Variants in TM4SF19 observed in about 807,000 individuals in gnomAD.
TM4SF19 encodes the protein transmembrane 4 L6 family member 19.
Under a neutral mutation model 21.8 loss-of-function variants are expected in TM4SF19, and 17 were observed. That is an observed-to-expected ratio of 0.78 (90% CI 0.53 to 1.17). TM4SF19 has a LOEUF of 1.17. Ranked by LOEUF, TM4SF19 falls within the 50% of genes most tolerant of loss-of-function variation. The pLI is 0.00. For synonymous variants in TM4SF19, 107 were observed against 106.7 expected, an observed-to-expected ratio of 1.00 and a Z score of -0.02; for missense variants, 216 against 252.1, an observed-to-expected ratio of 0.86 and a Z score of 0.97.
chr3:196,328,731 C>T (rs1307000267), intron 1 of TM4SF19, among the ~76,000 whole-genome samples: 1 of 152,058 alleles, frequency 6.6e-6, no homozygotes, highest in Non-Finnish European at 1.5e-5. Context: ...TAGAAATTGA[C>T]AAACTGAATC....
rs1013914195 is a variant in TM4SF19, at chr3:196,323,575, A to G, written c.*242T>C. On this transcript the variant is annotated 3_prime_UTR_variant, in exon 5 of 5. Coordinates refer to ENST00000273695, the MANE Select transcript of TM4SF19 (RefSeq NM_138461.4). ...GGCTGGAGGATATTTTATGGACTAT[A>G]AATTCCTAAACAATTATAATAACTT... The G allele has an allele frequency of 1.3e-6, 1 of 787,800 alleles. No homozygotes were observed. 48.8% of individuals were successfully genotyped at this position (787,800 alleles called of 1,614,324 possible).
In TM4SF19 at chr3:196,324,401, C is replaced by CA. The variant is rs1320815655; in HGVS notation, c.318dup (p.Gly107TrpfsTer22). 6.2e-7 allele frequency: 1 copy of CA among 1,614,110 alleles called. No individual in the cohort carries two copies. Among genetic ancestry groups the CA allele is most frequent in the Non-Finnish European group, 8.5e-7 (1 of 1,180,024 alleles). The stretch of plus-strand genomic sequence containing the variant: ...GAAGTGACAAAGCAAATCAGGGCTC[C>CA]AAGTAAAGCCAGGCCACCTGACAAC... On this transcript the variant is annotated frameshift_variant, in exon 4 of 5. Transcript: ENST00000273695. LOFTEE classifies it high-confidence loss of function.
chr3:196,337,048 ATTCTT>A (rs1400597623), intron 1 of TM4SF19, among the ~76,000 whole-genome samples: 4 of 128,680 alleles, frequency 3.1e-5, no homozygotes, highest in African/African-American at 1.1e-4. Flanking sequence ...GCAAAAAGCA[ATTCTT>A]TTTTTTTTTT....
intron 4 of TM4SF19, 80 bp from the exon 5 acceptor site, chr3:196,324,077 G>T (rs911171810): frequency 6.5e-7 from 1 of 1,547,014 alleles, no homozygotes; most frequent in African/African-American, 1.4e-5. Context: ...GAAAACTGGG[G>T]TCTCCCCTGA....
chr3:196,335,175 A>G (rs1473456558), intron 1 of TM4SF19, among the ~76,000 whole-genome samples: 93 of 6,318 alleles, frequency 0.015, no homozygotes, highest in East Asian at 0.029. Flanking sequence ...GAGAGGGGAG[A>G]GGTGCCCTGG....
Position 196,327,003 on chromosome 3 carries a change from CAAG to C in TM4SF19, c.228_230del (p.Leu77del). ...TGAAGCAGCCGTATCTCCAGCCCAT[CAAG>C]GAGATGAGGATAGCTGCAGTGAGTA... On this transcript the variant is annotated inframe_deletion, in exon 3 of 5. Coordinates refer to ENST00000273695, the MANE Select transcript of TM4SF19 (RefSeq NM_138461.4). 2 of 1,611,614 alleles carry C rather than the reference CAAG, an allele frequency of 1.2e-6. No homozygotes were observed. Among genetic ancestry groups the C allele is most frequent in the Non-Finnish European group, 1.7e-6 (2 of 1,177,900 alleles).
intron 1 of TM4SF19, among the ~76,000 whole-genome samples, chr3:196,330,428 A>C (rs544454688): frequency 3.3e-5 from 5 of 152,226 alleles, no homozygotes; most frequent in Non-Finnish European, 7.3e-5. Context: ...TACCACAATA[A>C]AAAATCAATT....
rs1577404927 is a variant in TM4SF19, at chr3:196,325,818, C to T, written c.279+1137G>A. On this transcript the variant is annotated intron_variant, in intron 3 of 4. Coordinates refer to ENST00000273695, the MANE Select transcript of TM4SF19 (RefSeq NM_138461.4). This position sits in a 1 kb window ranked among gnomAD's most constrained non-coding sequence, Gnocchi z 4.3. ...CTTCCCCGCCATCCTGAATCAGAAA[C>T]TCTGGGGAGGGAGCCCAGCAATCCG... is the stretch of plus-strand genomic sequence containing the variant. Among the ~76,000 whole-genome samples the T allele has an allele frequency of 6.6e-6, 1 of 152,208 alleles. No homozygotes were observed. The highest frequency in any genetic ancestry group is 1.9e-4 in the East Asian group (1 of 5,196).
chr3:196,326,520 G>A (rs1727298721), intron 3 of TM4SF19, among the ~76,000 whole-genome samples: 1 of 152,042 alleles, frequency 6.6e-6, no homozygotes, highest in Admixed American at 6.6e-5. Flanking sequence ...TAAAATGGAG[G>A]GGTTAGATTA....
intron 1 of TM4SF19, among the ~76,000 whole-genome samples, chr3:196,331,680 G>C (rs1251675028): frequency 1.3e-5 from 2 of 151,952 alleles, no homozygotes; most frequent in South Asian, 2.1e-4. Flanking sequence ...CCAGCTACTC[G>C]GAAGGCTGAG....
intron 3 of TM4SF19, among the ~76,000 whole-genome samples, chr3:196,326,658 C>G (rs1015244417): frequency 6.6e-6 from 1 of 152,152 alleles, no homozygotes; most frequent in Non-Finnish European, 1.5e-5. Context: ...TATTGTCCAA[C>G]ACCCTAAGAG....
rs115404653 is a variant in TM4SF19, at chr3:196,329,286, C to A, written c.-1-1695G>T. 5.0e-3 allele frequency among the ~76,000 whole-genome samples: 635 copies of A among 126,818 alleles called. 117 individuals are homozygous for A. The highest frequency in any genetic ancestry group is 0.016 in the African/African-American group (590 of 37,846). 83.2% of individuals were successfully genotyped at this position (126,818 alleles called of 152,430 possible). A position where few individuals can be genotyped will look rare whatever the true frequency, so the allele number is the denominator to read the frequency against. Reference sequence around the variant, plus strand: ...AGATGACAATTCAGCGGGAAAAAGTCTCTTCCACAAATGGTGCCGGAACAA... The same window carrying A: ...AGATGACAATTCAGCGGGAAAAAGTATCTTCCACAAATGGTGCCGGAACAA... On this transcript the variant is annotated intron_variant, in intron 1 of 4. Coordinates refer to ENST00000273695, the MANE Select transcript of TM4SF19 (RefSeq NM_138461.4).
chr3:196,328,377 G>C (rs1727389768), intron 1 of TM4SF19, among the ~76,000 whole-genome samples: 1 of 151,416 alleles, frequency 6.6e-6, no homozygotes, highest in African/African-American at 2.4e-5. Context: ...AAGTTTATTA[G>C]AATTAACAGG....
intron 2 of TM4SF19, 61 bp from the exon 3 acceptor site, chr3:196,327,093 C>T: frequency 7.3e-7 from 1 of 1,363,634 alleles, no homozygotes; most frequent in Non-Finnish European, 1.0e-6. Flanking sequence ...TTTCTAGGTG[C>T]TGCCCACAGC....
chr3:196,329,978 TCTC>T (rs1333859769), intron 1 of TM4SF19, among the ~76,000 whole-genome samples: 10 of 143,496 alleles, frequency 7.0e-5, no homozygotes, highest in African/African-American at 2.2e-4. Flanking sequence ...CTCAAGCAAT[TCTC>T]CTGCCTCAGC....
At chr3:196,331,319 A>C (rs1727497588) in intron 1 of TM4SF19, among the ~76,000 whole-genome samples, 4 of 150,612 alleles carry the variant, frequency 2.7e-5, no homozygotes, top group African/African-American at 9.7e-5. Context: ...GAATTAAAAT[A>C]GGACTAGTAA....
chr3:196,327,665 A>C (rs2108807233), intron 1 of TM4SF19, 74 bp from the exon 2 acceptor site: 35 of 1,298,634 alleles, frequency 2.7e-5, no homozygotes, highest in Middle Eastern at 2.6e-4. Context: ...GCAGCATATC[A>C]TGGGTGAGGG....
chr3:196,328,151 T>C (rs541534375), intron 1 of TM4SF19, among the ~76,000 whole-genome samples: 162 of 152,064 alleles, frequency 1.1e-3, no homozygotes, highest in African/African-American at 3.9e-3. Context: ...AATACAAAAA[T>C]TAGCTGGGCA....
In TM4SF19 at chr3:196,324,761, A is replaced by C. The variant is rs188640826; in HGVS notation, c.280-321T>G. 5.3e-5 allele frequency: 16 copies of C among 302,374 alleles called. No homozygotes were observed. The East Asian group carries it at 1.0e-3, about 19-fold the overall frequency. The allele number at this position is 302,374 out of a possible 1,614,324, so 18.7% of individuals were successfully genotyped here. ...GAGCTGCTCAGCAGCTTGGCATCAC[A>C]AACCTTTTGCACATTACAGCCATTC... On this transcript the variant is annotated intron_variant, in intron 3 of 4. Coordinates refer to ENST00000273695, the MANE Select transcript of TM4SF19 (RefSeq NM_138461.4).
Sources: allele counts gnomAD v4.1 joint callset (sites outside exome capture counted in the v4.1 genomes callset), GRCh38; gene constraint gnomAD v4.1.1; non-coding constraint Gnocchi (gnomAD v3.1); transcripts MANE v1.5; gene names NCBI Gene and HGNC (gene_info 2026-07-23, HGNC 2026-07-21).